The following MMP26 variants were observed in gnomAD, a reference collection of about 807,000 sequenced individuals.
MMP26 encodes matrix metallopeptidase 26.
Under a neutral mutation model 31.0 loss-of-function variants are expected in MMP26, and 33 were observed. That is an observed-to-expected ratio of 1.06 (90% confidence interval 0.81 to 1.42). The LOEUF (loss-of-function observed/expected upper bound fraction) is 1.42, where lower values mean the gene tolerates loss of function less well. Among genes scored for constraint, MMP26 ranks in the 40% most tolerant of loss-of-function variants. The pLI, the probability that MMP26 is intolerant of heterozygous loss-of-function variation, is 0.00. For synonymous variants in MMP26, 122 were observed against 114.9 expected, an observed-to-expected ratio of 1.06 and a Z score of -0.40; for missense variants, 347 against 316.1, an observed-to-expected ratio of 1.10 and a Z score of -0.74.
chr11:4,932,578 C>A (rs1851365579), intron 2 of MMP26, among the ~76,000 whole-genome samples: 1 of 152,106 alleles, frequency 6.6e-6, no homozygotes, highest in Admixed American at 6.6e-5. Context: ...AAAGTGTATC[C>A]CCTGTCCCAG....
At chr11:4,880,580 T>C (rs942660084) in intron 2 of MMP26, among the ~76,000 whole-genome samples, 6 of 152,026 alleles carry the variant, frequency 3.9e-5, no homozygotes, top group Non-Finnish European at 8.8e-5. Flanking sequence ...TAAATGAAGA[T>C]TTCTGTTTTT....
chr11:4,838,324 A>AG, intron 2 of MMP26, among the ~76,000 whole-genome samples: 1 of 104,564 alleles, frequency 9.6e-6, no homozygotes, highest in Non-Finnish European at 1.7e-5. Flanking sequence ...CTAAAAAAAA[A>AG]AAAAAAAAAA....
intron 2 of MMP26, among the ~76,000 whole-genome samples, chr11:4,960,561 CT>C: frequency 6.9e-6 from 1 of 145,866 alleles, no homozygotes; most frequent in Middle Eastern, 4.1e-3. Flanking sequence ...ATAAAACTTC[CT>C]TTTTCCATAC....
intron 2 of MMP26, among the ~76,000 whole-genome samples, chr11:4,898,866 T>A (rs1004308312): frequency 7.1e-6 from 1 of 140,524 alleles, no homozygotes; most frequent in Non-Finnish European, 1.6e-5. Flanking sequence ...TGTGTGTGTG[T>A]GTGTGTGTGT....
At chr11:4,833,854 A>G (rs143477089) in intron 2 of MMP26, among the ~76,000 whole-genome samples, 1 of 152,310 alleles carries the variant, frequency 6.6e-6, no homozygotes, top group African/African-American at 2.4e-5. Context: ...TTGGTGCTCA[A>G]TGGTTGCAGG....
intron 2 of MMP26, among the ~76,000 whole-genome samples, chr11:4,787,978 T>TA (rs1564909693): frequency 1.3e-5 from 2 of 152,150 alleles, no homozygotes; most frequent in African/African-American, 4.8e-5. Flanking sequence ...TAGTTTAAGA[T>TA]AAAAAATCTG....
At chr11:4,724,816 G>A (rs1848074113) in intron 1 of MMP26, among the ~76,000 whole-genome samples, 1 of 152,166 alleles carries the variant, frequency 6.6e-6, no homozygotes, top group African/African-American at 2.4e-5. Flanking sequence ...TGAGTTGTCA[G>A]ACTATCAAGG....
intron 2 of MMP26, among the ~76,000 whole-genome samples, chr11:4,912,152 T>G (rs977603640): frequency 1.3e-5 from 2 of 152,194 alleles, no homozygotes; most frequent in African/African-American, 2.4e-5. Context: ...TAAAAGAACA[T>G]GCTAAGAATT....
chr11:4,988,320 C>A lies in MMP26; in HGVS notation c.99+10C>A. ...ATGGGACTTTGTTGAGGTAGGTGAA[C>A]GACTCAGGACCACATTATTACATGG... On this transcript the variant is annotated intron_variant, in intron 3 of 7. Transcript: ENST00000380390. 6.2e-7 allele frequency: 1 copy of A among 1,606,334 alleles called. No individual in the cohort carries two copies. Among genetic ancestry groups the A allele is most frequent in the Non-Finnish European group, 8.5e-7 (1 of 1,172,994 alleles).
intron 1 of MMP26, among the ~76,000 whole-genome samples, chr11:4,734,578 G>A (rs1848212333): frequency 6.6e-6 from 1 of 152,030 alleles, no homozygotes; most frequent in Non-Finnish European, 1.5e-5. Flanking sequence ...TTGGTACGCG[G>A]CGTCTTCACT....
At chr11:4,868,246 G>A (rs1050119264) in intron 2 of MMP26, among the ~76,000 whole-genome samples, 1 of 152,074 alleles carries the variant, frequency 6.6e-6, no homozygotes, top group Non-Finnish European at 1.5e-5. Flanking sequence ...TGTGCTGGAG[G>A]GTATTCAGTT....
rs148856214 is a variant in MMP26 at position 4,917,250 on chromosome 11, T to C, written c.-144-70818T>C. Among the ~76,000 whole-genome samples the C allele has an allele frequency of 3.9e-3, 593 of 152,308 alleles. 7 individuals carry two copies. Among genetic ancestry groups the C allele is most frequent in the African/African-American group, 0.013 (540 of 41,566 alleles). On this transcript the variant is annotated intron_variant, in intron 2 of 7. Coordinates refer to ENST00000380390, the MANE Select transcript of MMP26 (RefSeq NM_021801.5). ...AAGCCTATGAATATTCTATTGATAA[T>C]ATTATGCTGTAGATAAGAAAACAGA...
intron 1 of MMP26, among the ~76,000 whole-genome samples, chr11:4,724,848 A>C (rs976107420): frequency 2.0e-5 from 3 of 152,260 alleles, no homozygotes; most frequent in Non-Finnish European, 2.9e-5. Flanking sequence ...GGTGACAATG[A>C]GAATACACAA....
intron 1 of MMP26, chr11:4,709,940 C>A (rs1196271479): frequency 2.2e-6 from 1 of 456,852 alleles, no homozygotes; most frequent in Non-Finnish European, 4.4e-6. Context: ...CCTTTGACCG[C>A]TTTATTGCCG....
chr11:4,851,860 A>C (rs1230846730), intron 2 of MMP26, among the ~76,000 whole-genome samples: 1 of 152,154 alleles, frequency 6.6e-6, no homozygotes, highest in African/African-American at 2.4e-5. Context: ...ATTTAAACAA[A>C]TGTAATGCAA....
chr11:4,977,176 G>A (rs760537649), intron 2 of MMP26, among the ~76,000 whole-genome samples: 11 of 152,156 alleles, frequency 7.2e-5, no homozygotes, highest in Non-Finnish European at 8.8e-5. Flanking sequence ...GTTGTTGCAC[G>A]TTGAAATCCC....
At chr11:4,797,444 T>C (rs1849123346) in intron 2 of MMP26, among the ~76,000 whole-genome samples, 1 of 152,176 alleles carries the variant, frequency 6.6e-6, no homozygotes, top group African/African-American at 2.4e-5. Context: ...CCCTTCCTAA[T>C]GTCTTGCCCA....
At chr11:4,817,265 C>T (rs556077178) in intron 2 of MMP26, among the ~76,000 whole-genome samples, 5 of 152,186 alleles carry the variant, frequency 3.3e-5, no homozygotes, top group East Asian at 1.9e-4. Context: ...GTTCCTTGCA[C>T]TCTGCATAGC....
chr11:4,882,559 T>C (rs1457614988), intron 2 of MMP26: 2 of 1,613,946 alleles, frequency 1.2e-6, no homozygotes, highest in South Asian at 1.1e-5. Context: ...TTTTCTCCTA[T>C]GTCCTGATCC....
Sources: gnomAD v4.1 joint callset for allele counts (sites outside exome capture counted in the v4.1 genomes callset) on GRCh38, gnomAD v4.1.1 for gene constraint, MANE v1.5 for transcripts, NCBI Gene and HGNC (gene_info 2026-07-23, HGNC 2026-07-21) for gene names.